KCNIP4: variants seen among roughly 807,000 people sequenced by gnomAD.
The protein encoded by KCNIP4 is potassium voltage-gated channel interacting protein 4.
Under a neutral mutation model 34.0 loss-of-function variants are expected in KCNIP4, and 12 were observed. That is an observed-to-expected ratio of 0.35 (90% CI 0.23 to 0.57). The LOEUF is 0.57. Among genes scored for constraint, KCNIP4 ranks in the 20% least tolerant of loss-of-function variants. The pLI is 0.83. For synonymous variants in KCNIP4, 124 were observed against 102.2 expected, an observed-to-expected ratio of 1.21 and a Z score of -1.29; for missense variants, 238 against 311.7, an observed-to-expected ratio of 0.76 and a Z score of 1.78.
At chr4:21,695,249 T>C (rs1712181578) in intron 1 of KCNIP4, among the ~76,000 whole-genome samples, 1 of 152,258 alleles carries the variant, frequency 6.6e-6, no homozygotes, top group African/African-American at 2.4e-5. Context: ...AAGTCGCATT[T>C]TGAGTAGTTG....
intron 1 of KCNIP4, among the ~76,000 whole-genome samples, chr4:21,432,623 A>G (rs1726593437): frequency 6.6e-6 from 1 of 152,216 alleles, no homozygotes; most frequent in African/African-American, 2.4e-5. Context: ...ATTTTTCTGC[A>G]TTGTGCTTAC....
intron 1 of KCNIP4, among the ~76,000 whole-genome samples, chr4:21,225,713 T>C (rs1426216976): frequency 6.6e-6 from 1 of 152,142 alleles, no homozygotes; most frequent in Non-Finnish European, 1.5e-5. Flanking sequence ...ATTCATTGCT[T>C]TTAAATAATG....
chr4:21,065,322 C>T (rs1164062614), intron 1 of KCNIP4, among the ~76,000 whole-genome samples: 1 of 151,976 alleles, frequency 6.6e-6, no homozygotes, highest in Non-Finnish European at 1.5e-5. Context: ...CTTGGCTGGG[C>T]TTAGGAAAGC....
intron 1 of KCNIP4, among the ~76,000 whole-genome samples, chr4:21,104,035 C>A (rs1358549663): frequency 7.3e-6 from 1 of 137,286 alleles, no homozygotes; most frequent in African/African-American, 3.0e-5. Flanking sequence ...AATAGTGCCT[C>A]AATAAACATA....
chr4:20,816,867 T>C (rs1052254931), intron 3 of KCNIP4, among the ~76,000 whole-genome samples: 4 of 152,216 alleles, frequency 2.6e-5, no homozygotes, highest in Admixed American at 6.5e-5. Context: ...AGCTATTCTG[T>C]TTCTTTTCAA....
chr4:21,002,029 G>C (rs1000371258), intron 1 of KCNIP4, among the ~76,000 whole-genome samples: 3 of 152,198 alleles, frequency 2.0e-5, no homozygotes, highest in African/African-American at 4.8e-5. Context: ...AATGTGAGCT[G>C]GGAGCTTTAA....
At chr4:20,731,364 G>A (rs1748154723) in intron 8 of KCNIP4, 6 of 982,770 alleles carry the variant, frequency 6.1e-6, no homozygotes, top group Non-Finnish European at 7.3e-6. Context: ...GTGAGCTACT[G>A]TACCAGGCCT....
chr4:21,147,591 A>T (rs2109232262), intron 1 of KCNIP4, among the ~76,000 whole-genome samples: 1 of 152,228 alleles, frequency 6.6e-6, no homozygotes, highest in South Asian at 2.1e-4. Context: ...TTTCTTTCAA[A>T]AATAGATTTA....
At chr4:21,845,573 T>C (rs1723965017) in intron 1 of KCNIP4, 1 of 152,004 alleles carries the variant, frequency 6.6e-6, no homozygotes, top group Non-Finnish European at 1.5e-5. Flanking sequence ...TTTACCTACT[T>C]TTCTTGCTTT....
At chr4:21,768,981 C>T (rs1217348077) in intron 1 of KCNIP4, among the ~76,000 whole-genome samples, 1 of 151,764 alleles carries the variant, frequency 6.6e-6, no homozygotes, top group African/African-American at 2.4e-5. Flanking sequence ...GCAATATCCT[C>T]GTTTTAAAAC....
intron 1 of KCNIP4, among the ~76,000 whole-genome samples, chr4:21,346,174 TA>T (rs1717319963): frequency 1.0e-5 from 1 of 100,284 alleles, no homozygotes. Flanking sequence ...TAGAAATCTG[TA>T]ATATATATTA....
At chr4:21,765,847 A>C (rs1307499408) in intron 1 of KCNIP4, among the ~76,000 whole-genome samples, 1 of 147,396 alleles carries the variant, frequency 6.8e-6, no homozygotes, top group Non-Finnish European at 1.5e-5. Flanking sequence ...AAACAAACTG[A>C]AGATGTGTAT....
At chr4:21,845,113 C>T (rs560546805) in intron 1 of KCNIP4, 1 of 152,026 alleles carries the variant, frequency 6.6e-6, no homozygotes, top group Non-Finnish European at 1.5e-5. Context: ...TTTCTAGGCA[C>T]TAACTCTGCT....
intron 1 of KCNIP4, among the ~76,000 whole-genome samples, chr4:21,145,633 G>C (rs1414211764): frequency 6.6e-6 from 1 of 152,166 alleles, no homozygotes; most frequent in Non-Finnish European, 1.5e-5. Context: ...ATAAAAAATG[G>C]AGGTGAAAAG....
intron 1 of KCNIP4, among the ~76,000 whole-genome samples, chr4:20,986,473 C>T (rs1186941371): frequency 1.3e-5 from 2 of 151,886 alleles, no homozygotes; most frequent in African/African-American, 2.4e-5. Context: ...CGTTTAGCTA[C>T]AGAAAGTCAA....
chr4:21,844,039 G>C (rs556523092), intron 1 of KCNIP4: 1 of 151,828 alleles, frequency 6.6e-6, no homozygotes, highest in South Asian at 2.1e-4. Flanking sequence ...TCACCACAGA[G>C]AGCTTGCAAT....
intron 1 of KCNIP4, among the ~76,000 whole-genome samples, chr4:21,539,999 CAA>C (rs56948957): frequency 2.8e-3 from 324 of 114,672 alleles, no homozygotes; most frequent in East Asian, 0.011. Context: ...AACAAACAGA[CAA>C]AAAAAAAAAA....
rs1195496692 is a variant in KCNIP4 at position 21,147,246 on chromosome 4, C to T, written c.62-264537G>A. 5.3e-5 allele frequency among the ~76,000 whole-genome samples: 8 copies of T among 152,028 alleles called. No individual in the cohort carries two copies. In the South Asian group the frequency reaches 1.0e-3, roughly 20 times the overall value. ...TTCCTTGGACCTATCTACCCGATGC[C>T]CCCACCCCCAAACCTGGGTTCCAAT... On this transcript the variant is annotated intron_variant, in intron 1 of 8. Transcript: ENST00000382152.
chr4:21,793,267 T>G (rs1168835998), intron 1 of KCNIP4, among the ~76,000 whole-genome samples: 1 of 152,188 alleles, frequency 6.6e-6, no homozygotes. Flanking sequence ...TATTCTTTTT[T>G]GAGATGGAGT....
Sources: gnomAD v4.1 joint callset for allele counts (sites outside exome capture counted in the v4.1 genomes callset) on GRCh38, gnomAD v4.1.1 for gene constraint, MANE v1.5 for transcripts, NCBI Gene and HGNC (gene_info 2026-07-23, HGNC 2026-07-21) for gene names.